The following SYNJ2 variants were observed in gnomAD, a reference collection of about 807,000 sequenced individuals.
SYNJ2 encodes synaptojanin 2, also known as polyphosphatidylinositol phosphatase SYNJ2.
In SYNJ2, 116 loss-of-function variants were observed where a neutral mutation model predicts 141.3. That is an observed-to-expected ratio of 0.82 (90% CI 0.71 to 0.96). SYNJ2 has a LOEUF of 0.96. Ranked by LOEUF, SYNJ2 falls within the 40% of genes least tolerant of loss-of-function variation. SYNJ2 has a pLI of 0.00. For missense variants in SYNJ2, 1,873 were observed against 1,934.8 expected, an observed-to-expected ratio of 0.97 and a Z score of 0.60; for synonymous variants, 745 against 777.7, an observed-to-expected ratio of 0.96 and a Z score of 0.70.
rs1333482025 is a variant in SYNJ2 at position 158,064,966 on chromosome 6, G to A, written c.1500G>A (p.Met500Ile). The A allele has an allele frequency of 4.4e-6, 7 of 1,603,830 alleles. No homozygotes were observed. The highest frequency in any genetic ancestry group is 6.0e-6 in the Non-Finnish European group (7 of 1,174,648). ...YGEEVADKGG[M>I]LLDSTALLVT... ...AGGAGGTGGCAGACAAAGGGGGCAT[G>A]CTGCTGGACAGCACGGCGCTCCTGG... is the stretch of plus-strand genomic sequence containing the variant. Residue 500 changes from methionine to isoleucine, a missense_variant, in exon 11 of 27, where the codon ATG becomes ATA. Met to Ile is a conservative substitution (Grantham distance 10). Coordinates refer to ENST00000355585, the MANE Select transcript of SYNJ2 (RefSeq NM_003898.4).
At chr6:158,016,943 C>A in intron 1 of SYNJ2, 1 of 1,160,202 alleles carries the variant, frequency 8.6e-7, no homozygotes, top group Non-Finnish European at 1.1e-6. Context: ...ACGCCAGAAC[C>A]CCAGGACCCC....
At chr6:158,095,554 C>T (rs1783744560) in intron 26 of SYNJ2, 64 bp from the exon 27 acceptor site, 10 of 1,514,088 alleles carry the variant, frequency 6.6e-6, no homozygotes, top group Admixed American at 6.5e-5. Context: ...CCACTCTGTT[C>T]TCTGATCCTC....
intron 3 of SYNJ2, among the ~76,000 whole-genome samples, chr6:158,033,081 C>T (rs1342822680): frequency 6.6e-6 from 1 of 152,144 alleles, no homozygotes; most frequent in African/African-American, 2.4e-5. Context: ...ATGGGGCCTG[C>T]GATGAAAACT....
At chr6:158,037,563 G>C (rs575484602) in intron 4 of SYNJ2, among the ~76,000 whole-genome samples, 3 of 151,822 alleles carry the variant, frequency 2.0e-5, no homozygotes, top group Non-Finnish European at 4.4e-5. Context: ...CACCACGCCC[G>C]GCTAATTTTT....
intron 3 of SYNJ2, among the ~76,000 whole-genome samples, chr6:158,032,437 C>G (rs955285465): frequency 6.6e-6 from 1 of 152,238 alleles, no homozygotes; most frequent in Non-Finnish European, 1.5e-5. Flanking sequence ...ATGGGTCCTC[C>G]TCCCTGAGAG....
chr6:158,033,624 C>T lies in SYNJ2; in HGVS notation c.655C>T (p.His219Tyr). The T allele has an allele frequency of 6.2e-7, 1 of 1,613,522 alleles. No individual in the cohort carries two copies. The highest frequency in any genetic ancestry group is 1.3e-5 in the African/African-American group (1 of 75,076). ...VSCERTGTRFHTRGVNDDGHV... is the reference protein window; with the variant it reads ...VSCERTGTRFYTRGVNDDGHV... ...CTGTGAGCGCACAGGCACTCGCTTC[C>T]ACACCCGTGGCGTGAACGACGACGG... The change falls in exon 4 of 27, where the codon CAC becomes TAC. Residue 219 changes from histidine (H) to tyrosine (Y), a missense_variant. By Grantham distance (83) the His-to-Tyr change is moderately conservative. Coordinates refer to ENST00000355585, the MANE Select transcript of SYNJ2 (RefSeq NM_003898.4).
chr6:158,083,972 C>T lies in SYNJ2; in HGVS notation c.3035-29C>T, dbSNP rs1230575299. Reference sequence around the variant, plus strand: ...AGCCTTTCCCCCTCATTGTTTTCACCCGAATTGTGATTCATTTCCTTCTCC... The same window carrying T: ...AGCCTTTCCCCCTCATTGTTTTCACTCGAATTGTGATTCATTTCCTTCTCC... On this transcript the variant is annotated intron_variant, in intron 21 of 26. Coordinates refer to ENST00000355585, the MANE Select transcript of SYNJ2 (RefSeq NM_003898.4). 3 of 1,612,794 alleles carry T rather than the reference C, an allele frequency of 1.9e-6. No homozygotes were observed. The Admixed American group carries it at 5.0e-5, about 27-fold the overall frequency.
intron 5 of SYNJ2, 61 bp from the exon 6 acceptor site, chr6:158,054,906 C>G (rs1780779927): frequency 3.8e-6 from 6 of 1,575,220 alleles, no homozygotes; most frequent in Non-Finnish European, 5.2e-6. Context: ...ATGGGAAAAA[C>G]CATGGCCTCC....
At chr6:158,048,928 T>TA in intron 5 of SYNJ2, among the ~76,000 whole-genome samples, 1 of 152,244 alleles carries the variant, frequency 6.6e-6, no homozygotes, top group South Asian at 2.1e-4. Flanking sequence ...GAGACACAAT[T>TA]AGACAGAAGT....
chr6:158,074,811 G>A, intron 16 of SYNJ2, 73 bp downstream of exon 16: 2 of 1,549,400 alleles, frequency 1.3e-6, no homozygotes, highest in East Asian at 2.3e-5. Context: ...TGTAGAGGCT[G>A]GTGCAGCAAA....
At chr6:158,083,325 T>C (rs968387524) in intron 20 of SYNJ2, 104 bp from the exon 21 acceptor site, 6 of 1,356,764 alleles carry the variant, frequency 4.4e-6, no homozygotes, top group Admixed American at 4.4e-5. Flanking sequence ...AATGTGAAGA[T>C]TGGCCTCGTT....
At chr6:158,033,830 T>A in intron 4 of SYNJ2, 150 bp downstream of exon 4, 2 of 739,724 alleles carry the variant, frequency 2.7e-6, no homozygotes, top group Non-Finnish European at 4.3e-6. Context: ...ACAGCACGTG[T>A]AATTGGGCTC....
At chr6:158,079,054 C>G (rs1000597397) in intron 18 of SYNJ2, 5 of 152,360 alleles carry the variant, frequency 3.3e-5, no homozygotes, top group South Asian at 2.1e-4. Context: ...CTTGGCCTCT[C>G]AAAGTGTTGG....
intron 12 of SYNJ2, among the ~76,000 whole-genome samples, chr6:158,067,004 TTTTTG>T (rs939269956): frequency 3.7e-4 from 56 of 152,232 alleles, no homozygotes; most frequent in Non-Finnish European, 6.2e-4. Context: ...TTGTTTTTGT[TTTTTG>T]TTTTGTTTTG....
chr6:158,094,873 C>G (rs959063990), intron 26 of SYNJ2, among the ~76,000 whole-genome samples: 2 of 152,178 alleles, frequency 1.3e-5, no homozygotes, highest in Non-Finnish European at 2.9e-5. Context: ...AGGAGCTGGG[C>G]GCGGTGGCTC....
intron 1 of SYNJ2, among the ~76,000 whole-genome samples, chr6:158,012,495 A>G (rs945341376): frequency 1.3e-5 from 2 of 152,172 alleles, no homozygotes; most frequent in African/African-American, 4.8e-5. Flanking sequence ...GAGCCAAGGA[A>G]TCCAGGCAGC....
At chr6:158,019,306 A>C (rs1416732161) in intron 2 of SYNJ2, among the ~76,000 whole-genome samples, 1 of 152,238 alleles carries the variant, frequency 6.6e-6, no homozygotes, top group Admixed American at 6.5e-5. Flanking sequence ...GGCACCAGGG[A>C]CTGCCTTCAA....
chr6:158,081,085 A>T (rs982382138), intron 18 of SYNJ2, 24 bp from the exon 19 acceptor site: 1 of 1,610,830 alleles, frequency 6.2e-7, no homozygotes, highest in Admixed American at 1.7e-5. Flanking sequence ...GCTAACTGTC[A>T]TCCCTCTTTT....
chr6:158,028,731 C>T, intron 2 of SYNJ2, 25 bp from the exon 3 acceptor site: 1 of 1,609,732 alleles, frequency 6.2e-7, no homozygotes, highest in Non-Finnish European at 8.5e-7. Flanking sequence ...CGACCCTGAG[C>T]TCTCCTGTCT....
Sources: allele counts gnomAD v4.1 joint callset (sites outside exome capture counted in the v4.1 genomes callset), GRCh38; gene constraint gnomAD v4.1.1; transcripts MANE v1.5; gene names NCBI Gene and HGNC (gene_info 2026-07-23, HGNC 2026-07-21).